BMP5: variants seen among roughly 807,000 people sequenced by gnomAD.
BMP5 encodes the protein bone morphogenetic protein 5.
In BMP5, 23 loss-of-function variants were observed where a neutral mutation model predicts 46.6. The observed-to-expected ratio is 0.49, with a 90% confidence interval of 0.35 to 0.70. BMP5 has a LOEUF of 0.70. BMP5 is among the 30% of genes least tolerant of loss of function. The pLI is 0.00. For missense variants in BMP5, 545 were observed against 565.6 expected (o/e 0.96, Z 0.37); for synonymous variants, 204 against 191.9 (o/e 1.06, Z -0.52).
chr6:55,790,308 A>G (rs1411611251), intron 3 of BMP5, among the ~76,000 whole-genome samples: 1 of 152,132 alleles, frequency 6.6e-6, no homozygotes, highest in Non-Finnish European at 1.5e-5. Flanking sequence ...CTCAATTACC[A>G]TTCAAGACAT....
intron 2 of BMP5, among the ~76,000 whole-genome samples, chr6:55,810,970 A>T (rs1202131672): frequency 6.6e-6 from 1 of 152,132 alleles, no homozygotes; most frequent in Non-Finnish European, 1.5e-5. Context: ...TCTCCTAGGG[A>T]CCAAAATCAC....
chr6:55,843,214 A>C (rs1158874206), intron 1 of BMP5, among the ~76,000 whole-genome samples: 1 of 152,144 alleles, frequency 6.6e-6, no homozygotes, highest in Non-Finnish European at 1.5e-5. Flanking sequence ...ATATATTTAT[A>C]AACTTACTGA....
chr6:55,774,787 C>A (rs1211812155), intron 3 of BMP5, among the ~76,000 whole-genome samples: 4 of 151,960 alleles, frequency 2.6e-5, no homozygotes, highest in African/African-American at 9.7e-5. Context: ...AAGTTCTTCA[C>A]AAGTCATTCT....
intron 3 of BMP5, among the ~76,000 whole-genome samples, chr6:55,777,403 T>C (rs1775202991): frequency 6.6e-6 from 1 of 152,034 alleles, no homozygotes; most frequent in African/African-American, 2.4e-5. Context: ...TAGAAACACA[T>C]TACCTTTACA....
At position 55,874,795 on chromosome 6, in the gene BMP5, T is replaced by G. The variant is rs978368406; in HGVS notation, c.71A>C (p.Tyr24Ser). 2 of 1,613,326 alleles carry G rather than the reference T, an allele frequency of 1.2e-6. No individual in the cohort carries two copies. Among genetic ancestry groups the G allele is most frequent in the African/African-American group, 2.7e-5 (2 of 74,890 alleles). ...ATTGTCTCCCAAACCTCCTTTTGCA[T>G]AACCCACTAGAACCCAGCAGCTCCA... The part of the protein sequence containing the change: ...FLWSCWVLVG[Y>S]AKGGLGDNHV... Residue 24 changes from tyrosine (Y) to serine (S), a missense_variant, in exon 1 of 7, where the codon TAT becomes TCT. By Grantham distance (144) the Tyr-to-Ser change is moderately radical. Transcript: ENST00000370830.
At chr6:55,770,313 A>C (rs1775019416) in intron 4 of BMP5, among the ~76,000 whole-genome samples, 1 of 151,898 alleles carries the variant, frequency 6.6e-6, no homozygotes, top group African/African-American at 2.4e-5. Flanking sequence ...TTCACCTTGC[A>C]CTTTTTTGCT....
rs577302277 is a variant in BMP5, at chr6:55,808,704, T to TG, written c.683+10950dup. Among the ~76,000 whole-genome samples the TG allele has an allele frequency of 8.6e-4, 131 of 152,284 alleles. 1 individual carries two copies. Among genetic ancestry groups the TG allele is most frequent in the African/African-American group, 3.1e-3 (128 of 41,566 alleles). The stretch of plus-strand genomic sequence containing the variant: ...ATGCTCACTCACCACCTCCCTTGGC[T>TG]GGGGGGTGGTGGCCCCTCTGCCCCA... On this transcript the variant is annotated intron_variant, in intron 2 of 6. Coordinates refer to ENST00000370830, the MANE Select transcript of BMP5 (RefSeq NM_021073.4).
Position 55,789,477 on chromosome 6 carries a change from G to T in BMP5, c.832+4802C>A, listed in dbSNP as rs9475407. On this transcript the variant is annotated intron_variant, in intron 3 of 6. Transcript: ENST00000370830. ...CAAGTCTTTAAAGTTAGATTAAATT[G>T]CTATCTGTGTAATAAACTATGTGCA... Among the ~76,000 whole-genome samples, 541 of 152,008 alleles carry T rather than the reference G, an allele frequency of 3.6e-3. 5 individuals are homozygous for T. Among genetic ancestry groups the T allele is most frequent in the African/African-American group, 0.012 (511 of 41,522 alleles).
intron 2 of BMP5, among the ~76,000 whole-genome samples, chr6:55,809,283 T>C (rs72868891): frequency 1.5e-3 from 231 of 152,300 alleles, no homozygotes; most frequent in Non-Finnish European, 2.5e-3. Context: ...GTATATGAGT[T>C]GTATGCATTA....
Position 55,864,394 on chromosome 6 carries a change from C to A in BMP5, c.490+9982G>T, listed in dbSNP as rs115216031. Among the ~76,000 whole-genome samples the A allele has an allele frequency of 4.3e-3, 651 of 152,140 alleles. 8 individuals are homozygous for A. The highest frequency in any genetic ancestry group is 0.015 in the African/African-American group (628 of 41,514). On this transcript the variant is annotated intron_variant, in intron 1 of 6. Coordinates refer to ENST00000370830, the MANE Select transcript of BMP5 (RefSeq NM_021073.4). ...TTGTGGGAGGGAGGGAGTTATTGGT[C>A]GCCTGGGAATGGATTAGTTCCCTTG...
intron 1 of BMP5, among the ~76,000 whole-genome samples, chr6:55,865,163 TA>T (rs913656364): frequency 1.9e-4 from 29 of 152,132 alleles, no homozygotes; most frequent in Non-Finnish European, 3.8e-4. Flanking sequence ...ATCAACTTCT[TA>T]AAAATTAAAA....
chr6:55,785,676 A>G lies in BMP5; in HGVS notation c.832+8603T>C, dbSNP rs555844295. 4.6e-5 allele frequency among the ~76,000 whole-genome samples: 7 copies of G among 151,880 alleles called. No individual in the cohort carries two copies. The South Asian group carries it at 8.3e-4, about 18-fold the overall frequency. On this transcript the variant is annotated intron_variant, in intron 3 of 6. Coordinates refer to ENST00000370830, the MANE Select transcript of BMP5 (RefSeq NM_021073.4). ...AATGACACTTTTGCTAAACATTCACATTAAAATGACCAACATAGTTGTTTC... is the reference window on the plus strand; with the variant it reads ...AATGACACTTTTGCTAAACATTCACGTTAAAATGACCAACATAGTTGTTTC...
At chr6:55,820,345 G>C (rs1195194227) in intron 1 of BMP5, among the ~76,000 whole-genome samples, 1 of 152,118 alleles carries the variant, frequency 6.6e-6, no homozygotes, top group African/African-American at 2.4e-5. Flanking sequence ...ATTTTTACAA[G>C]AAAGATTGTT....
intron 2 of BMP5, among the ~76,000 whole-genome samples, chr6:55,811,106 C>A (rs1776124980): frequency 6.6e-6 from 1 of 152,152 alleles, no homozygotes; most frequent in South Asian, 2.1e-4. Flanking sequence ...TTCTGGCACC[C>A]TGCTCTCAAG....
chr6:55,756,936 C>T (rs2127514089), intron 6 of BMP5, among the ~76,000 whole-genome samples: 1 of 152,016 alleles, frequency 6.6e-6, no homozygotes, highest in Non-Finnish European at 1.5e-5. Flanking sequence ...TTTCCTCCGT[C>T]TTTTTGTTTC....
chr6:55,759,142 CACAAAAAAAAAAAAAAAAAAAA>C, intron 5 of BMP5, 27 bp from the exon 6 acceptor site: 2 of 119,560 alleles, frequency 1.7e-5, no homozygotes, highest in South Asian at 6.8e-5. Context: ...CACACACACA[CACAAAAAAAAAAAAAAAAAAAA>C]AAAAAAAAAA....
intron 1 of BMP5, among the ~76,000 whole-genome samples, chr6:55,858,171 T>C (rs1777444676): frequency 6.6e-6 from 1 of 152,250 alleles, no homozygotes; most frequent in Admixed American, 6.5e-5. Context: ...TTAGACCAAA[T>C]CTATTTGCTC....
chr6:55,801,952 C>A (rs1775858087), intron 2 of BMP5, among the ~76,000 whole-genome samples: 1 of 152,134 alleles, frequency 6.6e-6, no homozygotes, highest in African/African-American at 2.4e-5. Flanking sequence ...CTCAGTTATG[C>A]CACAAGTTGG....
At chr6:55,784,917 C>A (rs1164452289) in intron 3 of BMP5, among the ~76,000 whole-genome samples, 1 of 151,730 alleles carries the variant, frequency 6.6e-6, no homozygotes, top group Non-Finnish European at 1.5e-5. Context: ...GAAAACAAAT[C>A]GTTTTCAGAT....
Sources: gnomAD v4.1 joint callset for allele counts (sites outside exome capture counted in the v4.1 genomes callset) on GRCh38, gnomAD v4.1.1 for gene constraint, MANE v1.5 for transcripts, NCBI Gene and HGNC (gene_info 2026-07-23, HGNC 2026-07-21) for gene names.